The following ZNF76 variants were observed in gnomAD, a reference collection of about 807,000 sequenced individuals.
The protein encoded by ZNF76 is zinc finger protein 523.
ZNF76 carries 66 observed loss-of-function variants against 66.9 expected under a neutral mutation model. The ratio of observed to expected loss-of-function variants is 0.99; its 90% CI spans 0.81 to 1.21. The LOEUF (loss-of-function observed/expected upper bound fraction) is 1.21, where lower values mean the gene tolerates loss of function less well. Ranked by LOEUF, ZNF76 falls within the 50% of genes most tolerant of loss-of-function variation. The probability of loss-of-function intolerance (pLI) is 0.00; values close to 1 mark genes in which losing one functional copy is unlikely to be tolerated. For synonymous variants in ZNF76, 275 were observed against 296.1 expected (o/e 0.93, Z 0.73); for missense variants, 729 against 760.3 (o/e 0.96, Z 0.48).
Position 35,291,572 on chromosome 6 carries a change from CA to C in ZNF76, c.767del (p.Gln256ArgfsTer149). 1 of 1,613,740 alleles carries C rather than the reference CA, an allele frequency of 6.2e-7. No individual in the cohort carries two copies. Among genetic ancestry groups the C allele is most frequent in the East Asian group, 2.2e-5 (1 of 44,856 alleles). ...CATTTGCATAGGTGAACGCCCGTTC[CA>C]GTGCCCTTTTGAGGGCTGTGGCCGC... is the stretch of plus-strand genomic sequence containing the variant. ...VRTHTGERPF[Q>X]CPFEGCGRSF... On this transcript the variant is annotated frameshift_variant, in exon 9 of 14. Coordinates refer to ENST00000373953, the MANE Select transcript of ZNF76 (RefSeq NM_003427.5). LOFTEE classifies it high-confidence loss of function.
In ZNF76 at chr6:35,291,722, G is replaced by T. The variant is rs370083681; in HGVS notation, c.916G>T (p.Val306Leu). ...CAGCGCCACCAACTATAAGAATCAC[G>T]TGCGCATCCACACAGGTGGGCTAGC... is the stretch of plus-strand genomic sequence containing the variant. ...FTSATNYKNH[V>L]RIHTGEKPYV... Residue 306 changes from valine (V) to leucine (L), a missense_variant, in exon 9 of 14, where the codon GTG becomes TTG. Physicochemically the swap from Val to Leu is conservative, Grantham distance 32. Coordinates refer to ENST00000373953, the MANE Select transcript of ZNF76 (RefSeq NM_003427.5). 1.2e-6 allele frequency: 2 copies of T among 1,609,362 alleles called. No individual in the cohort carries two copies. The highest frequency in any genetic ancestry group is 1.7e-6 in the Non-Finnish European group (2 of 1,179,990).
Position 35,291,301 on chromosome 6 carries a change from C to T in ZNF76, c.649C>T (p.Arg217Cys), listed in dbSNP as rs141820955. 9.9e-5 allele frequency: 160 copies of T among 1,612,540 alleles called. No homozygotes were observed. Among genetic ancestry groups the T allele is most frequent in the Non-Finnish European group, 1.2e-4 (142 of 1,179,300 alleles). Residue 217 changes from arginine (R) to cysteine (C), a missense_variant, in exon 8 of 14, where the codon CGT becomes TGT. By Grantham distance (180) the Arg-to-Cys change is radical. Transcript: ENST00000373953. ...ATGYGLKSHVRTHTGEKPYKC... is the reference protein window; with the variant it reads ...ATGYGLKSHVCTHTGEKPYKC... ...AGGCTATGGACTGAAGAGCCACGTT[C>T]GTACCCACACTGGTGAGAAACCATA...
intron 1 of ZNF76, among the ~76,000 whole-genome samples, chr6:35,269,456 A>G (rs1429240283): frequency 6.6e-6 from 1 of 152,054 alleles, no homozygotes; most frequent in African/African-American, 2.4e-5. Context: ...ACATTCCCTT[A>G]GAGCTGGCCC....
At chr6:35,274,761 A>T (rs1290858506) in intron 1 of ZNF76, among the ~76,000 whole-genome samples, 1 of 152,220 alleles carries the variant, frequency 6.6e-6, no homozygotes, top group Non-Finnish European at 1.5e-5. Flanking sequence ...TCTCCTCAAT[A>T]ATTACAATTT....
chr6:35,272,727 T>G (rs944757038), intron 1 of ZNF76, among the ~76,000 whole-genome samples: 1 of 152,192 alleles, frequency 6.6e-6, no homozygotes, highest in African/African-American at 2.4e-5. Flanking sequence ...AAGCCTCAAC[T>G]TCCTGGGCTT....
intron 2 of ZNF76, among the ~76,000 whole-genome samples, chr6:35,283,384 G>A (rs1468057006): frequency 1.3e-5 from 2 of 152,210 alleles, no homozygotes; most frequent in Non-Finnish European, 2.9e-5. Flanking sequence ...TTTTGACTGA[G>A]GCATTTTTGT....
chr6:35,292,873 T>C lies in ZNF76; in HGVS notation c.1166-8T>C. On this transcript the variant is annotated splice_region_variant and splice_polypyrimidine_tract_variant and intron_variant, in intron 10 of 13. Coordinates refer to ENST00000373953, the MANE Select transcript of ZNF76 (RefSeq NM_003427.5). The surrounding 1 kb of genome is among the most constrained non-coding windows in gnomAD (Gnocchi z 4.7). Reference sequence around the variant, plus strand: ...TAGCAGATGTCAGCCTTGGCTCTCCTCTCCCAGCCGCCTCTGCAGCCGAGG... The same window carrying C: ...TAGCAGATGTCAGCCTTGGCTCTCCCCTCCCAGCCGCCTCTGCAGCCGAGG... 6.2e-7 allele frequency: 1 copy of C among 1,613,826 alleles called. No individual in the cohort carries two copies. Among genetic ancestry groups the C allele is most frequent in the African/African-American group, 1.3e-5 (1 of 74,936 alleles).
intron 1 of ZNF76, among the ~76,000 whole-genome samples, chr6:35,272,491 GTGTGTGTGTGTGTGTGTGTGTA>G (rs1441393166): frequency 7.0e-5 from 2 of 28,512 alleles, no homozygotes; most frequent in Non-Finnish European, 3.6e-4. Flanking sequence ...GTGTGTGTGT[GTGTGTGTGTGTGTGTGTGTGTA>G]TGTATATGCA....
chr6:35,265,947 A>G (rs1381259979), intron 1 of ZNF76, among the ~76,000 whole-genome samples: 2 of 152,196 alleles, frequency 1.3e-5, no homozygotes, highest in Non-Finnish European at 2.9e-5. Flanking sequence ...TGTTGAGAAT[A>G]AGCTATAACG....
intron 1 of ZNF76, 139 bp from the exon 2 acceptor site, chr6:35,280,917 A>G: frequency 3.9e-6 from 2 of 511,724 alleles, no homozygotes; most frequent in Non-Finnish European, 7.0e-6. Context: ...CCTTTTCATA[A>G]AAACCAATAT....
intron 1 of ZNF76, among the ~76,000 whole-genome samples, chr6:35,273,193 A>T (rs1242084682): frequency 3.3e-5 from 5 of 150,500 alleles, no homozygotes; most frequent in Admixed American, 3.3e-4. Flanking sequence ...AAAAAAAACG[A>T]GTCTCACTCT....
At chr6:35,265,381 C>T (rs1785849883) in intron 1 of ZNF76, among the ~76,000 whole-genome samples, 1 of 151,926 alleles carries the variant, frequency 6.6e-6, no homozygotes, top group Non-Finnish European at 1.5e-5. Context: ...GTGGCAGGCA[C>T]CTGTAATCCC....
At chr6:35,261,172 G>A (rs1785196868) in intron 1 of ZNF76, among the ~76,000 whole-genome samples, 1 of 152,154 alleles carries the variant, frequency 6.6e-6, no homozygotes, top group African/African-American at 2.4e-5. Context: ...TAAAGCACCG[G>A]GCACCATGCC....
intron 12 of ZNF76, 89 bp downstream of exon 12, chr6:35,294,004 C>A (rs910833326): frequency 2.7e-6 from 4 of 1,460,820 alleles, no homozygotes; most frequent in Non-Finnish European, 3.7e-6. Flanking sequence ...CTAGTCAAGT[C>A]TTCTTACCAG....
chr6:35,292,185 T>C lies in ZNF76; in HGVS notation c.932-369T>C. On this transcript the variant is annotated intron_variant, in intron 9 of 13. Transcript: ENST00000373953. The surrounding 1 kb of genome is among the most constrained non-coding windows in gnomAD (Gnocchi z 4.7). Reference sequence around the variant, plus strand: ...TCTGTGTTGTGTCTCAGCATGTGTGTCCCCTCTTTCCCATCACAACTGATA... The same window carrying C: ...TCTGTGTTGTGTCTCAGCATGTGTGCCCCCTCTTTCCCATCACAACTGATA... The C allele has an allele frequency of 2.5e-6, 1 of 408,108 alleles. No individual in the cohort carries two copies. Among genetic ancestry groups the C allele is most frequent in the Non-Finnish European group, 4.6e-6 (1 of 216,788 alleles). 25.3% of individuals were successfully genotyped at this position (408,108 alleles called of 1,614,324 possible).
Position 35,295,047 on chromosome 6 carries a change from G to GA in ZNF76, c.1609-96dup. 2 of 876,184 alleles carry GA rather than the reference G, an allele frequency of 2.3e-6. 1 individual carries two copies. Among genetic ancestry groups the GA allele is most frequent in the South Asian group, 3.2e-5 (2 of 61,544 alleles). 54.3% of individuals were successfully genotyped at this position (876,184 alleles called of 1,614,324 possible). On this transcript the variant is annotated intron_variant, in intron 13 of 13. Transcript: ENST00000373953. ...AGCGTGTGGCACTGGGTAGATGGGG[G>GA]AGAGTCAAAAAAAAAAGTAGGCCAC...
intron 1 of ZNF76, among the ~76,000 whole-genome samples, chr6:35,278,348 A>G (rs113200970): frequency 0.026 from 4,032 of 152,164 alleles, 64 homozygotes; most frequent in Middle Eastern, 0.054. Context: ...TTGTATTTTT[A>G]GTAGAGACGG....
intron 2 of ZNF76, among the ~76,000 whole-genome samples, chr6:35,282,261 G>C (rs1040758030): frequency 2.6e-5 from 4 of 151,416 alleles, no homozygotes; most frequent in African/African-American, 9.7e-5. Flanking sequence ...ATCTCTTGAG[G>C]CCATAAGTTT....
At chr6:35,261,881 G>A (rs1785305531) in intron 1 of ZNF76, among the ~76,000 whole-genome samples, 1 of 152,126 alleles carries the variant, frequency 6.6e-6, no homozygotes, top group Non-Finnish European at 1.5e-5. Flanking sequence ...TGCTGTTCAT[G>A]ACTTTTGATC....
Sources: allele counts gnomAD v4.1 joint callset (sites outside exome capture counted in the v4.1 genomes callset), GRCh38; gene constraint gnomAD v4.1.1; non-coding constraint Gnocchi (gnomAD v3.1); transcripts MANE v1.5; gene names NCBI Gene and HGNC (gene_info 2026-07-23, HGNC 2026-07-21).